Variants in KCNB2 observed in about 807,000 individuals in gnomAD.
KCNB2 encodes potassium voltage-gated channel subfamily B member 2.
Under a neutral mutation model 61.5 loss-of-function variants are expected in KCNB2, and 15 were observed. That is an observed-to-expected ratio of 0.24 (90% CI 0.16 to 0.38). KCNB2 has a LOEUF of 0.38. KCNB2 is among the 10% of genes least tolerant of loss of function. The probability of loss-of-function intolerance (pLI) is 1.00; values close to 1 mark genes in which losing one functional copy is unlikely to be tolerated. For synonymous variants in KCNB2, 457 were observed against 446.0 expected (o/e 1.02, Z -0.31); for missense variants, 828 against 1,125.2 (o/e 0.74, Z 3.78).
At chr8:72,560,420 G>A (rs1179575681) in intron 1 of KCNB2, among the ~76,000 whole-genome samples, 1 of 152,210 alleles carries the variant, frequency 6.6e-6, no homozygotes, top group Non-Finnish European at 1.5e-5. Flanking sequence ...GGTAGTGACT[G>A]AAGTTCGTGA....
At chr8:72,861,460 C>A (rs1293028299) in intron 2 of KCNB2, among the ~76,000 whole-genome samples, 1 of 152,160 alleles carries the variant, frequency 6.6e-6, no homozygotes, top group African/African-American at 2.4e-5. Context: ...GATAAAAGCT[C>A]ACGAAAGAAG....
chr8:72,599,424 C>A (rs1473429658), intron 2 of KCNB2, among the ~76,000 whole-genome samples: 1 of 152,172 alleles, frequency 6.6e-6, no homozygotes, highest in East Asian at 1.9e-4. Context: ...GGATCCCTTC[C>A]TTACACCTTA....
intron 2 of KCNB2, among the ~76,000 whole-genome samples, chr8:72,728,275 A>G (rs1234851148): frequency 6.6e-6 from 1 of 152,178 alleles, no homozygotes; most frequent in Non-Finnish European, 1.5e-5. Context: ...AAATATCTGT[A>G]TTATTTATAA....
intron 2 of KCNB2, among the ~76,000 whole-genome samples, chr8:72,777,379 C>G (rs1480869565): frequency 6.6e-6 from 1 of 152,180 alleles, no homozygotes; most frequent in Non-Finnish European, 1.5e-5. Flanking sequence ...TTTCTTGAAG[C>G]TCTTCCAATT....
At chr8:72,776,256 TG>T (rs1808649702) in intron 2 of KCNB2, among the ~76,000 whole-genome samples, 1 of 50,000 alleles carries the variant, frequency 2.0e-5, no homozygotes, top group African/African-American at 8.1e-5. Context: ...TGTCGTGGGG[TG>T]GGGGGAGGGA....
chr8:72,918,565 G>A (rs375002341), intron 2 of KCNB2, among the ~76,000 whole-genome samples: 67 of 152,198 alleles, frequency 4.4e-4, no homozygotes, highest in African/African-American at 1.5e-3. Flanking sequence ...ACTCAGATCT[G>A]GGAAAATTCC....
intron 2 of KCNB2, among the ~76,000 whole-genome samples, chr8:72,805,457 C>A (rs1438677367): frequency 6.6e-6 from 1 of 151,818 alleles, no homozygotes; most frequent in Non-Finnish European, 1.5e-5. Context: ...TGTGTGGATC[C>A]CCTAAGGGAA....
At chr8:72,819,229 A>G (rs1809452262) in intron 2 of KCNB2, among the ~76,000 whole-genome samples, 1 of 152,044 alleles carries the variant, frequency 6.6e-6, no homozygotes, top group East Asian at 1.9e-4. Flanking sequence ...TAAAAAAAAA[A>G]CATTACAGCA....
intron 2 of KCNB2, among the ~76,000 whole-genome samples, chr8:72,846,724 A>G (rs1316792565): frequency 6.6e-6 from 1 of 152,160 alleles, no homozygotes; most frequent in Non-Finnish European, 1.5e-5. Context: ...TCCCACACCA[A>G]TTAGAATGGT....
chr8:72,650,797 C>G (rs1806199629), intron 2 of KCNB2, among the ~76,000 whole-genome samples: 1 of 152,138 alleles, frequency 6.6e-6, no homozygotes, highest in African/African-American at 2.4e-5. Context: ...ACCTTGCTTT[C>G]AATGTCTGTA....
rs1010582267 is a variant in KCNB2, at chr8:72,686,702, G to A, written c.579+118389G>A. Reference sequence around the variant, plus strand: ...CTCAGAAATTGTTTCTTGTCACTGGGTGATAAATAATTTTCTAAGACTAAT... The same window carrying A: ...CTCAGAAATTGTTTCTTGTCACTGGATGATAAATAATTTTCTAAGACTAAT... On this transcript the variant is annotated intron_variant, in intron 2 of 2. Transcript: ENST00000523207. Among the ~76,000 whole-genome samples the A allele has an allele frequency of 5.3e-5, 8 of 152,210 alleles. No homozygotes were observed. In the East Asian group the frequency reaches 9.6e-4, roughly 18 times the overall value.
intron 2 of KCNB2, among the ~76,000 whole-genome samples, chr8:72,824,864 T>C (rs1563396139): frequency 6.6e-6 from 1 of 152,246 alleles, no homozygotes; most frequent in Non-Finnish European, 1.5e-5. Flanking sequence ...CTCTGCACTC[T>C]GGCTCCTTTT....
chr8:72,561,778 G>GACTT (rs1563523650), intron 1 of KCNB2, among the ~76,000 whole-genome samples: 1 of 34,338 alleles, frequency 2.9e-5, no homozygotes, highest in Non-Finnish European at 5.8e-5. Flanking sequence ...TATATATATG[G>GACTT]ATATATATAT....
At chr8:72,752,220 C>T (rs547635387) in intron 2 of KCNB2, among the ~76,000 whole-genome samples, 76 of 152,192 alleles carry the variant, frequency 5.0e-4, no homozygotes, top group African/African-American at 1.1e-3. Context: ...AAAATAAAGC[C>T]ACCATGAAAG....
chr8:72,625,783 C>A (rs928358088), intron 2 of KCNB2, among the ~76,000 whole-genome samples: 13 of 152,096 alleles, frequency 8.5e-5, no homozygotes, highest in African/African-American at 3.1e-4. Context: ...CTGGACATAT[C>A]TCAGCATTGA....
intron 2 of KCNB2, among the ~76,000 whole-genome samples, chr8:72,862,462 T>TA (rs1563407887): frequency 6.6e-6 from 1 of 152,126 alleles, no homozygotes; most frequent in African/African-American, 2.4e-5. Flanking sequence ...ACCTAAGAAT[T>TA]ACAAAATTTT....
At chr8:72,772,308 G>T (rs1808574333) in intron 2 of KCNB2, among the ~76,000 whole-genome samples, 2 of 152,152 alleles carry the variant, frequency 1.3e-5, no homozygotes, top group Non-Finnish European at 2.9e-5. Flanking sequence ...TTTGTTGTGG[G>T]GGCTTTCCTG....
At chr8:72,923,026 G>C (rs1044484053) in intron 2 of KCNB2, among the ~76,000 whole-genome samples, 1 of 151,418 alleles carries the variant, frequency 6.6e-6, no homozygotes, top group Non-Finnish European at 1.5e-5. Context: ...GTGGGGGTTG[G>C]GGGGTGGGGG....
In KCNB2 at chr8:72,937,821, G is replaced by C; in HGVS notation, c.2466G>C (p.Arg822Ser). The C allele has an allele frequency of 6.2e-7, 1 of 1,614,036 alleles. No individual in the cohort carries two copies. Reference protein sequence around the residue: ...DEDFLELPGAREEKQVDSSPN... With the variant: ...DEDFLELPGASEEKQVDSSPN... ...ACTTCTTAGAGCTCCCAGGGGCAAG[G>C]GAGGAGAAGCAGGTGGACTCCAGCC... The change falls in exon 3 of 3, where the codon AGG becomes AGC. Residue 822 changes from arginine to serine, a missense_variant. Arg to Ser is a moderately radical substitution (Grantham distance 110). This residue lies in a region of KCNB2 where 559 missense variants were observed against 588.4 expected (regional missense o/e 0.95). Coordinates refer to ENST00000523207, the MANE Select transcript of KCNB2 (RefSeq NM_004770.3).
Sources: allele counts gnomAD v4.1 joint callset (sites outside exome capture counted in the v4.1 genomes callset), GRCh38; gene constraint gnomAD v4.1.1; regional missense constraint gnomAD v4.1.1; transcripts MANE v1.5; gene names NCBI Gene and HGNC (gene_info 2026-07-23, HGNC 2026-07-21).